ZCCHC14: variants seen among roughly 807,000 people sequenced by gnomAD.
The protein encoded by ZCCHC14 is zinc finger CCHC-type containing 14.
A neutral mutation model predicts 85.0 loss-of-function variants in ZCCHC14; 16 were observed. The observed-to-expected ratio is 0.19, with a 90% CI of 0.13 to 0.29. The LOEUF (loss-of-function observed/expected upper bound fraction) is 0.29. Ranked by LOEUF, ZCCHC14 falls within the 10% of genes least tolerant of loss-of-function variation. The pLI, the probability that ZCCHC14 is intolerant of heterozygous loss-of-function variation, is 1.00. For synonymous variants in ZCCHC14, 775 were observed against 630.7 expected (o/e 1.23, Z -3.43); for missense variants, 1,303 against 1,443.5 (o/e 0.90, Z 1.58).
At chr16:87,416,662 A>G (rs949669057) in intron 8 of ZCCHC14, among the ~76,000 whole-genome samples, 4 of 152,162 alleles carry the variant, frequency 2.6e-5, no homozygotes, top group Non-Finnish European at 4.4e-5. Context: ...AGGCTGAGGC[A>G]GGAGAATCGC....
chr16:87,492,137 G>A lies in ZCCHC14; in HGVS notation c.102C>T (p.Asp34=), dbSNP rs1323274094. The change falls in exon 1 of 13, where the codon GAC becomes GAT. Residue 34 remains aspartate (D), a synonymous_variant. Transcript: ENST00000671377. The surrounding 1 kb of genome is among the most constrained non-coding windows in gnomAD (Gnocchi z 6.7). ...QRVEFLCGLL[D]LCIPLELRFL... ...AGCGAAGCTCGAGCGGGATGCACAG[G>A]TCCAGCAGGCCGCACAGGAACTCCA... is the stretch of plus-strand genomic sequence containing the variant. 5.3e-6 allele frequency: 7 copies of A among 1,315,088 alleles called. No homozygotes were observed. The highest frequency in any genetic ancestry group is 4.0e-5 in the Admixed American group (1 of 24,756). 81.5% of individuals were successfully genotyped at this position (1,315,088 alleles called of 1,614,324 possible).
chr16:87,474,668 G>C (rs1173671497), intron 1 of ZCCHC14, among the ~76,000 whole-genome samples: 1 of 152,186 alleles, frequency 6.6e-6, no homozygotes, highest in South Asian at 2.1e-4. Context: ...CTCAGAGAAG[G>C]GGGGCAGCTA....
intron 1 of ZCCHC14, among the ~76,000 whole-genome samples, chr16:87,487,646 G>C (rs1203996409): frequency 1.3e-5 from 2 of 152,264 alleles, no homozygotes; most frequent in Admixed American, 6.5e-5. Flanking sequence ...GATGCGCTAA[G>C]TGTTAGGCAC....
At chr16:87,435,353 G>A (rs1263508303) in intron 2 of ZCCHC14, among the ~76,000 whole-genome samples, 2 of 152,206 alleles carry the variant, frequency 1.3e-5, no homozygotes, top group African/African-American at 4.8e-5. Context: ...TGGCTGCCAC[G>A]CTGGGCGGTG....
chr16:87,421,415 G>C (rs1029816801), intron 4 of ZCCHC14, among the ~76,000 whole-genome samples: 1 of 152,184 alleles, frequency 6.6e-6, no homozygotes, highest in African/African-American at 2.4e-5. Context: ...GCTCCTGGAA[G>C]AAGGGGAAAA....
At chr16:87,452,891 A>C (rs1344547240) in intron 2 of ZCCHC14, among the ~76,000 whole-genome samples, 2 of 152,200 alleles carry the variant, frequency 1.3e-5, no homozygotes, top group Non-Finnish European at 2.9e-5. Context: ...CGTGGCTGTG[A>C]CGTGACAGGG....
intron 1 of ZCCHC14, among the ~76,000 whole-genome samples, chr16:87,461,922 T>G (rs1379387394): frequency 6.6e-6 from 1 of 152,170 alleles, no homozygotes; most frequent in African/African-American, 2.4e-5. Context: ...ACAGATGCCT[T>G]CCAAGAAAAG....
chr16:87,489,212 G>C (rs1175277497), intron 1 of ZCCHC14, among the ~76,000 whole-genome samples: 1 of 152,172 alleles, frequency 6.6e-6, no homozygotes, highest in South Asian at 2.1e-4. Context: ...AGTGACACTA[G>C]GGATGTAGGG....
At chr16:87,482,485 C>A (rs1597454876) in intron 1 of ZCCHC14, among the ~76,000 whole-genome samples, 1 of 152,224 alleles carries the variant, frequency 6.6e-6, no homozygotes, top group Non-Finnish European at 1.5e-5. Context: ...AAGCCACCAT[C>A]CGGGGCAGGC....
intron 2 of ZCCHC14, among the ~76,000 whole-genome samples, chr16:87,448,103 G>A (rs897626800): frequency 1.3e-5 from 2 of 152,094 alleles, no homozygotes; most frequent in African/African-American, 4.8e-5. Context: ...TCTTCCATAG[G>A]AAGATAATCT....
At chr16:87,469,958 T>C (rs1202177674) in intron 1 of ZCCHC14, among the ~76,000 whole-genome samples, 3 of 152,146 alleles carry the variant, frequency 2.0e-5, no homozygotes, top group African/African-American at 7.2e-5. Context: ...CCAGTGCACT[T>C]GCCAGGCACA....
Position 87,423,740 on chromosome 16 carries a change from C to A in ZCCHC14, c.840+70G>T, listed in dbSNP as rs567339150. On this transcript the variant is annotated intron_variant, in intron 4 of 12. Transcript: ENST00000671377. ...CTGAAGGGAGTGGCCTCTGAAATTA[C>A]TCCGTGGTATCATCAGCCACTGGGG... The A allele has an allele frequency of 1.7e-4, 263 of 1,561,042 alleles. No homozygotes were observed. In the African/African-American group the frequency reaches 2.9e-3, roughly 17 times the overall value.
rs761891613 is a variant in ZCCHC14, at chr16:87,411,561, G to A, written c.3160C>T (p.Arg1054Cys). Residue 1054 changes from arginine (R) to cysteine (C), a missense_variant, in exon 12 of 13, where the codon CGC (arginine) becomes TGC (cysteine). Arg to Cys is a radical substitution (Grantham distance 180). Around this residue, in one of 7 missense-constraint regions of ZCCHC14, gnomAD observed 797 missense variants for 730.8 expected, o/e 1.09. Transcript: ENST00000671377. ...SCYNCGATGH[R>C]AQDCKQPSMD... ...GACGGCTGTTTGCAGTCCTGGGCGC[G>A]GTGACCAGTGGCCCCGCAGTTGTAA... The A allele has an allele frequency of 9.3e-6, 15 of 1,613,586 alleles. No individual in the cohort carries two copies. The highest frequency in any genetic ancestry group is 4.0e-5 in the African/African-American group (3 of 74,938).
Position 87,409,883 on chromosome 16 carries a change from C to T in ZCCHC14, c.*397G>A, listed in dbSNP as rs987595270. 1.8e-4 allele frequency: 30 copies of T among 163,924 alleles called. No homozygotes were observed. The highest frequency in any genetic ancestry group is 1.9e-4 in the South Asian group (1 of 5,228). 10.2% of individuals were successfully genotyped at this position (163,924 alleles called of 1,614,324 possible). ...TAGCCCAGGGGTGTCAGGAGTCCGG[C>T]GGGTGGAACTCCACTTGGAGAACTC... On this transcript the variant is annotated 3_prime_UTR_variant, in exon 13 of 13. Transcript: ENST00000671377.
chr16:87,412,924 C>G lies in ZCCHC14; in HGVS notation c.1797G>C (p.Leu599=). The G allele has an allele frequency of 6.2e-7, 1 of 1,601,408 alleles. No homozygotes were observed. Among genetic ancestry groups the G allele is most frequent in the Non-Finnish European group, 8.5e-7 (1 of 1,173,052 alleles). Residue 599 remains leucine, a synonymous_variant, in exon 12 of 13, where the codon CTG becomes CTC. Coordinates refer to ENST00000671377, the MANE Select transcript of ZCCHC14 (RefSeq NM_015144.3). Reference sequence around the variant, plus strand: ...TGGCGGAACTGGAAGTGAAGTGATTCAGCAGCATCACCGGCTTCTCCTTGT... The same window carrying G: ...TGGCGGAACTGGAAGTGAAGTGATTGAGCAGCATCACCGGCTTCTCCTTGT... The part of the protein sequence containing the change: ...SSDKEKPVML[L]NHFTSSSARP...
intron 1 of ZCCHC14, chr16:87,467,682 C>T (rs752968683): frequency 2.6e-5 from 21 of 798,970 alleles, no homozygotes; most frequent in Middle Eastern, 2.3e-4. Flanking sequence ...GATGGAGTCT[C>T]GCTCTGTCGC....
At chr16:87,443,641 G>C (rs1428907061) in intron 2 of ZCCHC14, among the ~76,000 whole-genome samples, 1 of 152,218 alleles carries the variant, frequency 6.6e-6, no homozygotes, top group South Asian at 2.1e-4. Context: ...GGAGGCCAAG[G>C]CTGGGGGATC....
chr16:87,465,349 C>T (rs1385199746), intron 1 of ZCCHC14, among the ~76,000 whole-genome samples: 4 of 152,230 alleles, frequency 2.6e-5, no homozygotes, highest in Admixed American at 1.3e-4. Context: ...CAGAATCAAA[C>T]GGAAAGCACT....
At chr16:87,444,158 G>A (rs1027086160) in intron 2 of ZCCHC14, among the ~76,000 whole-genome samples, 5 of 151,912 alleles carry the variant, frequency 3.3e-5, no homozygotes, top group African/African-American at 9.7e-5. Flanking sequence ...GGCACACACA[G>A]CATCAGATTT....
Sources: allele counts gnomAD v4.1 joint callset (sites outside exome capture counted in the v4.1 genomes callset), GRCh38; gene constraint gnomAD v4.1.1; regional missense constraint gnomAD v4.1.1; non-coding constraint Gnocchi (gnomAD v3.1); transcripts MANE v1.5; gene names NCBI Gene and HGNC (gene_info 2026-07-23, HGNC 2026-07-21).